The following TSPAN9 variants were observed in gnomAD, a reference collection of about 807,000 sequenced individuals.
TSPAN9 encodes tetraspanin-9.
A neutral mutation model predicts 31.0 loss-of-function variants in TSPAN9; 16 were observed. That is an observed-to-expected ratio of 0.52 (90% CI 0.35 to 0.78). The LOEUF (loss-of-function observed/expected upper bound fraction) is 0.78, where lower values mean the gene tolerates loss of function less well. TSPAN9 is among the 30% of genes least tolerant of loss of function. The probability of loss-of-function intolerance (pLI) is 0.01; values close to 1 mark genes in which losing one functional copy is unlikely to be tolerated. For missense variants in TSPAN9, 272 were observed against 312.5 expected (o/e 0.87, Z 0.98); for synonymous variants, 145 against 121.6 (o/e 1.19, Z -1.27).
At chr12:3,123,196 G>A (rs1006597884) in intron 2 of TSPAN9, among the ~76,000 whole-genome samples, 2 of 152,204 alleles carry the variant, frequency 1.3e-5, no homozygotes, top group East Asian at 1.9e-4. Flanking sequence ...GGGTTAGCTC[G>A]GGAGTGGCGT....
At chr12:3,260,335 G>GCAGGTTTGTTCC (rs1325346824) in intron 3 of TSPAN9, among the ~76,000 whole-genome samples, 1 of 152,266 alleles carries the variant, frequency 6.6e-6, no homozygotes, top group Non-Finnish European at 1.5e-5. Context: ...GGGTGGGGAT[G>GCAGGTTTGTTCC]CAGGTTTGTT....
chr12:3,270,479 C>T (rs552267619), intron 3 of TSPAN9, among the ~76,000 whole-genome samples: 3 of 152,370 alleles, frequency 2.0e-5, no homozygotes, highest in Admixed American at 1.3e-4. Flanking sequence ...TTCAGGTTCT[C>T]CCTGCTCCCA....
At chr12:3,276,323 C>T (rs937646833) in intron 3 of TSPAN9, among the ~76,000 whole-genome samples, 4 of 152,232 alleles carry the variant, frequency 2.6e-5, no homozygotes, top group Non-Finnish European at 5.9e-5. Flanking sequence ...GGGACCTTCC[C>T]GTCACACTGA....
At chr12:3,282,085 T>G (rs575631033) in intron 8 of TSPAN9, 1 of 652,054 alleles carries the variant, frequency 1.5e-6, no homozygotes, top group African/African-American at 1.8e-5. Flanking sequence ...CCCCCGTGGG[T>G]TCCCCCAGTT....
intron 3 of TSPAN9, among the ~76,000 whole-genome samples, chr12:3,225,806 G>A (rs980233317): frequency 3.3e-5 from 5 of 151,706 alleles, no homozygotes. Context: ...ATCTTTACCC[G>A]TGGGCCACCA....
chr12:3,118,071 CTT>C (rs10709178), intron 2 of TSPAN9, among the ~76,000 whole-genome samples: 2 of 151,648 alleles, frequency 1.3e-5, no homozygotes, highest in Middle Eastern at 3.4e-3. Flanking sequence ...ATTTAAGACT[CTT>C]TTTCTCGCCT....
At chr12:3,253,948 C>G (rs11062594) in intron 3 of TSPAN9, among the ~76,000 whole-genome samples, 8,246 of 152,276 alleles carry the variant, frequency 0.054, 328 homozygotes, top group African/African-American at 0.11. Flanking sequence ...AGGGTGGAGC[C>G]TGTGAAAATG....
At chr12:3,131,302 C>T (rs774129181) in intron 2 of TSPAN9, among the ~76,000 whole-genome samples, 11 of 152,254 alleles carry the variant, frequency 7.2e-5, no homozygotes, top group South Asian at 4.1e-4. Flanking sequence ...TGCAAGCAAG[C>T]GACAGTGGGA....
chr12:3,280,761 G>A lies in TSPAN9; in HGVS notation c.432+278G>A, dbSNP rs1490228135. ...CTGAATTTATTTTAGCAACAGATTT[G>A]CCTCCATGATGGGGCTTGGCTTAGG... On this transcript the variant is annotated intron_variant, in intron 6 of 8. Transcript: ENST00000011898. This position sits in a 1 kb window ranked among gnomAD's most constrained non-coding sequence, Gnocchi z 4.5. 6.6e-6 allele frequency among the ~76,000 whole-genome samples: 1 copy of A among 152,234 alleles called. No individual in the cohort carries two copies. The highest frequency in any genetic ancestry group is 1.5e-5 in the Non-Finnish European group (1 of 68,040).
chr12:3,170,901 T>C lies in TSPAN9; in HGVS notation c.-17-30276T>C, dbSNP rs190897902. On this transcript the variant is annotated intron_variant, in intron 2 of 8. Coordinates refer to ENST00000011898, the MANE Select transcript of TSPAN9 (RefSeq NM_006675.5). This position sits in a 1 kb window ranked among gnomAD's most constrained non-coding sequence, Gnocchi z 4.4. ...AGTTCTTTGACTCATTTCTTAAGCA[T>C]TGCATCTGCGTCTCCACTTGGATGA... Among the ~76,000 whole-genome samples, 37 of 152,260 alleles carry C rather than the reference T, an allele frequency of 2.4e-4. No homozygotes were observed. Among genetic ancestry groups the C allele is most frequent in the Middle Eastern group, 6.8e-3 (2 of 294 alleles).
intron 3 of TSPAN9, among the ~76,000 whole-genome samples, chr12:3,209,856 G>A (rs2098377452): frequency 6.6e-6 from 1 of 151,610 alleles, no homozygotes. Flanking sequence ...CTACTCGGGA[G>A]GCTGAGGCAG....
chr12:3,077,623 A>G (rs533098989), intron 1 of TSPAN9, among the ~76,000 whole-genome samples, 170 bp downstream of exon 1: 2 of 144,346 alleles, frequency 1.4e-5, no homozygotes, highest in Admixed American at 6.8e-5. Context: ...CGGTGGGACG[A>G]GAGGACGAGG....
chr12:3,077,615 GT>G (rs1294703140), intron 1 of TSPAN9, among the ~76,000 whole-genome samples, 162 bp downstream of exon 1: 7 of 151,774 alleles, frequency 4.6e-5, no homozygotes, highest in African/African-American at 1.7e-4. Context: ...CAGGGCGGCG[GT>G]GGGACGAGAG....
intron 3 of TSPAN9, among the ~76,000 whole-genome samples, chr12:3,267,746 T>A (rs1268419078): frequency 6.6e-6 from 1 of 152,214 alleles, no homozygotes; most frequent in African/African-American, 2.4e-5. Flanking sequence ...CCTTCCACTT[T>A]ACAGTGACCT....
At chr12:3,211,393 G>A (rs1478338484) in intron 3 of TSPAN9, among the ~76,000 whole-genome samples, 1 of 152,056 alleles carries the variant, frequency 6.6e-6, no homozygotes, top group Admixed American at 6.6e-5. Flanking sequence ...CTCAATATCT[G>A]GTAGGGCAAA....
At chr12:3,137,973 G>T (rs58547212) in intron 2 of TSPAN9, among the ~76,000 whole-genome samples, 9 of 152,162 alleles carry the variant, frequency 5.9e-5, no homozygotes, top group African/African-American at 2.2e-4. Context: ...GAGGAAGGTC[G>T]TGTGAGGAGT....
At chr12:3,255,431 G>A (rs1862327597) in intron 3 of TSPAN9, among the ~76,000 whole-genome samples, 1 of 152,186 alleles carries the variant, frequency 6.6e-6, no homozygotes, top group Admixed American at 6.5e-5. Context: ...AAAAGGAAAC[G>A]GGCCGAGCCC....
intron 2 of TSPAN9, among the ~76,000 whole-genome samples, chr12:3,118,893 G>T (rs112085186): frequency 6.6e-6 from 1 of 152,200 alleles, no homozygotes; most frequent in Non-Finnish European, 1.5e-5. Context: ...AGCCTGGCAC[G>T]CAGGTTGCAA....
At chr12:3,252,534 G>A (rs760086726) in intron 3 of TSPAN9, among the ~76,000 whole-genome samples, 1 of 152,234 alleles carries the variant, frequency 6.6e-6, no homozygotes, top group African/African-American at 2.4e-5. Flanking sequence ...GGGTGGGGAC[G>A]GAGCCCCCTC....
Sources: allele counts gnomAD v4.1 joint callset (sites outside exome capture counted in the v4.1 genomes callset), GRCh38; gene constraint gnomAD v4.1.1; non-coding constraint Gnocchi (gnomAD v3.1); transcripts MANE v1.5; gene names NCBI Gene and HGNC (gene_info 2026-07-23, HGNC 2026-07-21).